Variants in SLC66A3 observed in about 807,000 individuals in gnomAD.
The protein encoded by SLC66A3 is PQ loop repeat containing 3.
SLC66A3 carries 23 observed loss-of-function variants against 25.5 expected under a neutral mutation model. The ratio of observed to expected loss-of-function variants is 0.90; its 90% confidence interval spans 0.65 to 1.28. The LOEUF (loss-of-function observed/expected upper bound fraction) is 1.28. Ranked by LOEUF, SLC66A3 falls within the 50% of genes most tolerant of loss-of-function variation. The probability of loss-of-function intolerance (pLI) is 0.00; values close to 1 mark genes in which losing one functional copy is unlikely to be tolerated. For synonymous variants in SLC66A3, 108 were observed against 112.6 expected, an observed-to-expected ratio of 0.96 and a Z score of 0.26; for missense variants, 246 against 262.1, an observed-to-expected ratio of 0.94 and a Z score of 0.42.
intron 6 of SLC66A3, among the ~76,000 whole-genome samples, chr2:11,177,407 C>T (rs1662794669): frequency 1.3e-5 from 2 of 151,504 alleles, no homozygotes; most frequent in Non-Finnish European, 2.9e-5. Context: ...TTGCAGTGAG[C>T]CAAGACAGGC....
chr2:11,165,715 G>T (rs1382909202), intron 4 of SLC66A3, among the ~76,000 whole-genome samples: 1 of 152,248 alleles, frequency 6.6e-6, no homozygotes, highest in East Asian at 1.9e-4. Context: ...CTGCACTCCA[G>T]CCTGGGCAAC....
At chr2:11,167,470 G>A (rs989715038) in intron 4 of SLC66A3, among the ~76,000 whole-genome samples, 4 of 152,142 alleles carry the variant, frequency 2.6e-5, no homozygotes, top group South Asian at 2.1e-4. Flanking sequence ...AAAGAATCAA[G>A]TTCAGGGGTC....
chr2:11,163,979 T>A (rs1662215697), intron 3 of SLC66A3, among the ~76,000 whole-genome samples: 1 of 152,206 alleles, frequency 6.6e-6, no homozygotes, highest in Admixed American at 6.5e-5. Flanking sequence ...GGTGTCTTTG[T>A]ATTTCTCTTC....
At chr2:11,167,679 C>T (rs1384921264) in intron 4 of SLC66A3, among the ~76,000 whole-genome samples, 1 of 152,200 alleles carries the variant, frequency 6.6e-6, no homozygotes, top group Non-Finnish European at 1.5e-5. Context: ...TCCTCACGCA[C>T]CTGCTCTGAG....
intron 4 of SLC66A3, among the ~76,000 whole-genome samples, chr2:11,171,385 T>G (rs1260523464): frequency 6.6e-6 from 1 of 152,138 alleles, no homozygotes; most frequent in Non-Finnish European, 1.5e-5. Context: ...GGTTTCAACT[T>G]TGTACAAATC....
rs764046320 is a variant in SLC66A3 at position 11,160,526 on chromosome 2, G to A, written c.204G>A (p.Glu68=). 7 of 1,614,148 alleles carry A rather than the reference G, an allele frequency of 4.3e-6. No individual in the cohort carries two copies. The Admixed American group carries it at 1.0e-4, about 23-fold the overall frequency. The change falls in exon 2 of 7, where the codon GAG becomes GAA. Residue 68 remains glutamate, a synonymous_variant. Coordinates refer to ENST00000295083, the MANE Select transcript of SLC66A3 (RefSeq NM_152391.5). ...YYGYPPLTYL[E]YPILIAQDVI... The stretch of plus-strand genomic sequence containing the variant: ...GGTATCCGCCGCTGACCTACCTGGA[G>A]TACCCCATCCTCATCGCGCAAGGTA...
intron 3 of SLC66A3, among the ~76,000 whole-genome samples, chr2:11,161,695 A>AT (rs933644238): frequency 2.6e-5 from 4 of 151,882 alleles, no homozygotes; most frequent in East Asian, 1.9e-4. Flanking sequence ...ATTAAAAAAC[A>AT]TTTTTTTTAG....
intron 6 of SLC66A3, among the ~76,000 whole-genome samples, chr2:11,175,912 T>C (rs918951123): frequency 6.6e-6 from 1 of 152,212 alleles, no homozygotes; most frequent in African/African-American, 2.4e-5. Flanking sequence ...AACAGAGATA[T>C]GTTTGTTAGT....
intron 1 of SLC66A3, 53 bp downstream of exon 1, chr2:11,155,742 G>T (rs1661872706): frequency 1.5e-6 from 2 of 1,308,720 alleles, no homozygotes; most frequent in South Asian, 2.0e-5. Flanking sequence ...GCTGCTGCCG[G>T]CTGGGAGCCC....
At chr2:11,175,041 A>C (rs1458963736) in intron 6 of SLC66A3, 32 bp downstream of exon 6, 2 of 1,540,970 alleles carry the variant, frequency 1.3e-6, no homozygotes, top group Admixed American at 3.5e-5. Flanking sequence ...TTCCTTTTTG[A>C]GTTTTGTGCT....
chr2:11,166,008 AAG>A (rs1284384288), intron 4 of SLC66A3, among the ~76,000 whole-genome samples: 6 of 152,224 alleles, frequency 3.9e-5, no homozygotes, highest in Middle Eastern at 3.4e-3. Context: ...AGACCGTGGA[AAG>A]AGAGGGAGAG....
chr2:11,170,810 C>G (rs1662524012), intron 4 of SLC66A3, among the ~76,000 whole-genome samples: 1 of 151,314 alleles, frequency 6.6e-6, no homozygotes, highest in African/African-American at 2.4e-5. Context: ...AGGCTGGTCT[C>G]AAACTCCTGA....
intron 1 of SLC66A3, among the ~76,000 whole-genome samples, chr2:11,158,649 A>C (rs1661994642): frequency 6.6e-6 from 1 of 152,116 alleles, no homozygotes; most frequent in Non-Finnish European, 1.5e-5. Context: ...GTGACAGAGC[A>C]AGACTCCGCC....
chr2:11,159,450 C>A (rs1662035784), intron 1 of SLC66A3, among the ~76,000 whole-genome samples: 1 of 152,134 alleles, frequency 6.6e-6, no homozygotes, highest in Admixed American at 6.5e-5. Flanking sequence ...GGCCCGCACT[C>A]GGGGACCAGG....
At chr2:11,165,328 C>G (rs1220982827) in intron 4 of SLC66A3, among the ~76,000 whole-genome samples, 1 of 149,148 alleles carries the variant, frequency 6.7e-6, no homozygotes, top group African/African-American at 2.5e-5. Context: ...GAGGCGCTCC[C>G]CACATCTCAG....
chr2:11,165,440 C>A (rs1662296785), intron 4 of SLC66A3, among the ~76,000 whole-genome samples: 1 of 150,854 alleles, frequency 6.6e-6, no homozygotes, highest in African/African-American at 2.4e-5. Context: ...GGCAGAGGGG[C>A]TCCTCACATC....
At chr2:11,177,456 C>CAAA (rs371498449) in intron 6 of SLC66A3, among the ~76,000 whole-genome samples, 1 of 107,100 alleles carries the variant, frequency 9.3e-6, no homozygotes, top group African/African-American at 3.5e-5. Flanking sequence ...AAGACTGTCT[C>CAAA]AAAAAAAAAA....
chr2:11,170,915 T>C (rs1662529187), intron 4 of SLC66A3, among the ~76,000 whole-genome samples: 1 of 151,866 alleles, frequency 6.6e-6, no homozygotes, highest in African/African-American at 2.4e-5. Flanking sequence ...TCATTGGAGG[T>C]GTAGATAGAT....
At chr2:11,167,485 G>A (rs188224579) in intron 4 of SLC66A3, among the ~76,000 whole-genome samples, 309 of 152,292 alleles carry the variant, frequency 2.0e-3, no homozygotes, top group South Asian at 4.8e-3. Flanking sequence ...GGGGTCAAGG[G>A]CAACAACAGC....
Sources: allele counts gnomAD v4.1 joint callset (sites outside exome capture counted in the v4.1 genomes callset), GRCh38; gene constraint gnomAD v4.1.1; transcripts MANE v1.5; gene names NCBI Gene and HGNC (gene_info 2026-07-23, HGNC 2026-07-21).